The following CTNND2 variants were observed in gnomAD, a reference collection of about 807,000 sequenced individuals.
CTNND2 encodes the protein catenin delta-2.
CTNND2 carries 22 observed loss-of-function variants against 144.4 expected under a neutral mutation model. The observed-to-expected ratio is 0.15, with a 90% CI of 0.11 to 0.22. The LOEUF (loss-of-function observed/expected upper bound fraction) is 0.22. CTNND2 is among the 10% of genes least tolerant of loss of function. The pLI, the probability that CTNND2 is intolerant of heterozygous loss-of-function variation, is 1.00. For synonymous variants in CTNND2, 751 were observed against 695.6 expected, an observed-to-expected ratio of 1.08 and a Z score of -1.25; for missense variants, 1,353 against 1,618.8, an observed-to-expected ratio of 0.84 and a Z score of 2.82.
chr5:11,570,647 T>C (rs1777487972), intron 2 of CTNND2, among the ~76,000 whole-genome samples: 1 of 149,536 alleles, frequency 6.7e-6, no homozygotes, highest in Admixed American at 6.6e-5. Flanking sequence ...TCTTTTTTCT[T>C]TTTTTTTTAT....
intron 1 of CTNND2, among the ~76,000 whole-genome samples, chr5:11,812,094 T>G (rs141289865): frequency 2.0e-5 from 3 of 152,130 alleles, no homozygotes; most frequent in Admixed American, 6.5e-5. Context: ...AGGTTCCAAA[T>G]AGTCAAAACT....
chr5:10,974,370 C>T (rs1299138331), intron 21 of CTNND2, among the ~76,000 whole-genome samples: 1 of 152,232 alleles, frequency 6.6e-6, no homozygotes, highest in South Asian at 2.1e-4. Context: ...CAAAACTGCA[C>T]TTGCACCCCC....
At chr5:11,400,936 A>G (rs1760592876) in intron 5 of CTNND2, among the ~76,000 whole-genome samples, 1 of 152,226 alleles carries the variant, frequency 6.6e-6, no homozygotes, top group Non-Finnish European at 1.5e-5. Flanking sequence ...TCTTTAAGTC[A>G]TATATACATG....
At chr5:11,690,452 C>T (rs563888748) in intron 2 of CTNND2, among the ~76,000 whole-genome samples, 15 of 152,258 alleles carry the variant, frequency 9.9e-5, no homozygotes, top group Middle Eastern at 3.4e-3. Context: ...TATTCACCTA[C>T]GATATTAGAG....
At chr5:11,189,760 G>T (rs61751812) in intron 11 of CTNND2, among the ~76,000 whole-genome samples, 1 of 152,064 alleles carries the variant, frequency 6.6e-6, no homozygotes. Flanking sequence ...GTCGTTCAAG[G>T]GTTAACTATA....
intron 14 of CTNND2, 87 bp from the exon 15 acceptor site, chr5:11,098,835 A>G: frequency 2.4e-6 from 3 of 1,243,446 alleles, no homozygotes; most frequent in Non-Finnish European, 3.4e-6. Context: ...AGGCGAAAAC[A>G]AAAGCAGAGT....
chr5:11,792,936 GA>G (rs34777577), intron 1 of CTNND2, among the ~76,000 whole-genome samples: 93 of 152,210 alleles, frequency 6.1e-4, no homozygotes, highest in Non-Finnish European at 1.1e-3. Context: ...TATTTAGGGG[GA>G]AAAAACGTCC....
Position 11,075,930 on chromosome 5 carries a change from A to G in CTNND2, c.2788+6766T>C, listed in dbSNP as rs141893818. ...TCCTCTCTCTATTTGGATTCCCCAAACCTCCTCCAGATCTGCTCTTTGAAT... is the reference window on the plus strand; with the variant it reads ...TCCTCTCTCTATTTGGATTCCCCAAGCCTCCTCCAGATCTGCTCTTTGAAT... On this transcript the variant is annotated intron_variant, in intron 16 of 21. Transcript: ENST00000304623. 5.5e-4 allele frequency among the ~76,000 whole-genome samples: 84 copies of G among 151,524 alleles called. 1 individual carries two copies. Among genetic ancestry groups the G allele is most frequent in the African/African-American group, 1.9e-3 (80 of 41,220 alleles).
At chr5:11,753,214 G>A (rs1005129881) in intron 1 of CTNND2, among the ~76,000 whole-genome samples, 4 of 151,768 alleles carry the variant, frequency 2.6e-5, no homozygotes, top group Non-Finnish European at 2.9e-5. Context: ...GAACTGTGTT[G>A]AATGGAAGTG....
intron 9 of CTNND2, among the ~76,000 whole-genome samples, chr5:11,298,986 C>T (rs1199314412): frequency 6.6e-6 from 1 of 150,750 alleles, no homozygotes; most frequent in Non-Finnish European, 1.5e-5. Context: ...TTACTTGGGT[C>T]ACCTTTTTAT....
chr5:11,881,458 G>A (rs1311632227), intron 1 of CTNND2, among the ~76,000 whole-genome samples: 1 of 151,734 alleles, frequency 6.6e-6, no homozygotes, highest in African/African-American at 2.4e-5. Flanking sequence ...TCATCCTCTG[G>A]TAACCACTAT....
At chr5:11,344,373 C>T (rs1030645805) in intron 9 of CTNND2, among the ~76,000 whole-genome samples, 2 of 143,448 alleles carry the variant, frequency 1.4e-5, no homozygotes, top group Non-Finnish European at 3.0e-5. Context: ...GCCTGGGCGA[C>T]AAAACGAGAC....
At chr5:11,614,321 T>C (rs929286221) in intron 2 of CTNND2, among the ~76,000 whole-genome samples, 32 of 152,292 alleles carry the variant, frequency 2.1e-4, no homozygotes, top group African/African-American at 7.7e-4. Context: ...AGGTCTGACT[T>C]GTGGTAAGTC....
At position 11,895,087 on chromosome 5, in the gene CTNND2, C is replaced by T. The variant is rs367558452; in HGVS notation, c.37+8730G>A. On this transcript the variant is annotated intron_variant, in intron 1 of 21. Coordinates refer to ENST00000304623, the MANE Select transcript of CTNND2 (RefSeq NM_001332.4). ...TGTTTGCCTAAAAACAGTGTCCTGGCTCTTCCCAACGAACTTGAACTTGAG... is the reference window on the plus strand; with the variant it reads ...TGTTTGCCTAAAAACAGTGTCCTGGTTCTTCCCAACGAACTTGAACTTGAG... Among the ~76,000 whole-genome samples the T allele has an allele frequency of 2.4e-4, 37 of 152,192 alleles. No homozygotes were observed. The South Asian group carries it at 7.3e-3, about 30-fold the overall frequency.
At chr5:11,881,880 A>C (rs1736143137) in intron 1 of CTNND2, among the ~76,000 whole-genome samples, 1 of 152,110 alleles carries the variant, frequency 6.6e-6, no homozygotes, top group Admixed American at 6.5e-5. Context: ...TTGTCTCCAC[A>C]TTCTTGCCAG....
chr5:11,516,425 A>T (rs1772171139), intron 3 of CTNND2, among the ~76,000 whole-genome samples: 1 of 152,122 alleles, frequency 6.6e-6, no homozygotes, highest in South Asian at 2.1e-4. Context: ...AGAAGATATG[A>T]TCTTACATAT....
At chr5:11,000,068 C>T (rs1169036634) in intron 18 of CTNND2, among the ~76,000 whole-genome samples, 2 of 152,164 alleles carry the variant, frequency 1.3e-5, no homozygotes, top group African/African-American at 4.8e-5. Flanking sequence ...CTATAACACT[C>T]TCCATTTTAT....
At chr5:11,628,157 C>G (rs143488927) in intron 2 of CTNND2, among the ~76,000 whole-genome samples, 27 of 152,118 alleles carry the variant, frequency 1.8e-4, no homozygotes, top group Non-Finnish European at 3.5e-4. Context: ...AGATTCCACA[C>G]GTTTTCACCA....
intron 1 of CTNND2, among the ~76,000 whole-genome samples, chr5:11,766,433 A>G (rs1234588699): frequency 6.6e-6 from 1 of 152,188 alleles, no homozygotes; most frequent in African/African-American, 2.4e-5. Context: ...TTGAATGAAT[A>G]AGTCTCACAA....
Sources: gnomAD v4.1 joint callset for allele counts (sites outside exome capture counted in the v4.1 genomes callset) on GRCh38, gnomAD v4.1.1 for gene constraint, MANE v1.5 for transcripts, NCBI Gene and HGNC (gene_info 2026-07-23, HGNC 2026-07-21) for gene names.